ATP8A2: variants seen among roughly 807,000 people sequenced by gnomAD.
The protein encoded by ATP8A2 is ATPase phospholipid transporting 8A2.
A neutral mutation model predicts 165.6 loss-of-function variants in ATP8A2; 100 were observed. That is an observed-to-expected ratio of 0.60 (90% CI 0.51 to 0.71). The LOEUF is 0.71. ATP8A2 is among the 30% of genes least tolerant of loss of function. The probability of loss-of-function intolerance (pLI) is 0.00; values close to 1 mark genes in which losing one functional copy is unlikely to be tolerated. For synonymous variants in ATP8A2, 543 were observed against 548.8 expected (o/e 0.99, Z 0.15); for missense variants, 1,227 against 1,479.5 (o/e 0.83, Z 2.80).
At chr13:25,831,675 C>T (rs1390338604) in intron 28 of ATP8A2, among the ~76,000 whole-genome samples, 1 of 151,836 alleles carries the variant, frequency 6.6e-6, no homozygotes, top group African/African-American at 2.4e-5. Context: ...AAACCTCATC[C>T]CTACTAAAAG....
intron 27 of ATP8A2, among the ~76,000 whole-genome samples, chr13:25,788,529 C>G (rs1330660083): frequency 6.6e-6 from 1 of 152,176 alleles, no homozygotes; most frequent in Non-Finnish European, 1.5e-5. Flanking sequence ...GCCCTGTCTT[C>G]CAGGTGGCCT....
At chr13:25,700,637 A>T (rs540499957) in intron 25 of ATP8A2, among the ~76,000 whole-genome samples, 1 of 151,974 alleles carries the variant, frequency 6.6e-6, no homozygotes, top group South Asian at 2.1e-4. Flanking sequence ...ACCCTTTTTG[A>T]CTGTTACGTG....
chr13:25,907,282 C>G (rs1244356216), intron 33 of ATP8A2, among the ~76,000 whole-genome samples: 1 of 152,002 alleles, frequency 6.6e-6, no homozygotes, highest in East Asian at 1.9e-4. Flanking sequence ...GCTTGGGCAA[C>G]AAAGCAAGAC....
At chr13:25,619,265 G>C (rs1316872490) in intron 24 of ATP8A2, among the ~76,000 whole-genome samples, 1 of 152,138 alleles carries the variant, frequency 6.6e-6, no homozygotes, top group African/African-American at 2.4e-5. Context: ...AAGACAGCCA[G>C]GTTTCCTGAG....
intron 2 of ATP8A2, among the ~76,000 whole-genome samples, chr13:25,471,960 C>T (rs77574720): frequency 0.03 from 4,603 of 152,120 alleles, 257 homozygotes; most frequent in African/African-American, 0.11. Context: ...CGTAAGTTTC[C>T]GCATGCACTG....
At chr13:25,890,624 C>T (rs1953328624) in intron 33 of ATP8A2, among the ~76,000 whole-genome samples, 1 of 152,144 alleles carries the variant, frequency 6.6e-6, no homozygotes. Flanking sequence ...TGACATTTTA[C>T]ACAATAATTG....
intron 25 of ATP8A2, among the ~76,000 whole-genome samples, chr13:25,767,119 C>T (rs1402794154): frequency 6.6e-6 from 1 of 152,200 alleles, no homozygotes; most frequent in African/African-American, 2.4e-5. Context: ...AGTTTCAAAA[C>T]AAAATGGGAA....
At chr13:25,744,681 A>G (rs957976315) in intron 25 of ATP8A2, among the ~76,000 whole-genome samples, 4 of 152,196 alleles carry the variant, frequency 2.6e-5, no homozygotes, top group African/African-American at 9.7e-5. Flanking sequence ...AGAATTCTCA[A>G]TAGCCACTGG....
intron 16 of ATP8A2, chr13:25,567,186 G>A (rs950417256): frequency 5.4e-6 from 2 of 368,812 alleles, no homozygotes; most frequent in African/African-American, 4.3e-5. Flanking sequence ...AGCTGGCCCG[G>A]GACTGGTGTT....
intron 24 of ATP8A2, among the ~76,000 whole-genome samples, chr13:25,628,910 T>C (rs777208435): frequency 6.6e-6 from 1 of 152,140 alleles, no homozygotes; most frequent in Non-Finnish European, 1.5e-5. Flanking sequence ...ATTTAACCCA[T>C]AACATTGCCC....
intron 1 of ATP8A2, among the ~76,000 whole-genome samples, chr13:25,427,894 GA>G (rs1156995224): frequency 6.7e-6 from 1 of 150,104 alleles, no homozygotes; most frequent in South Asian, 2.1e-4. Flanking sequence ...CTCTGTCTCA[GA>G]AAAAAAAGAA....
chr13:25,680,352 G>A (rs1403786762), intron 24 of ATP8A2, among the ~76,000 whole-genome samples: 1 of 152,148 alleles, frequency 6.6e-6, no homozygotes, highest in Non-Finnish European at 1.5e-5. Context: ...TGTGTACTAA[G>A]GAATTGGCAG....
intron 28 of ATP8A2, among the ~76,000 whole-genome samples, chr13:25,832,083 G>A (rs1348111210): frequency 6.6e-6 from 1 of 151,792 alleles, no homozygotes; most frequent in East Asian, 2.0e-4. Flanking sequence ...AGGATTACAG[G>A]TGCGCACCAC....
chr13:25,696,775 A>G (rs1026810509), intron 24 of ATP8A2, among the ~76,000 whole-genome samples: 4 of 152,120 alleles, frequency 2.6e-5, no homozygotes, highest in African/African-American at 9.7e-5. Flanking sequence ...CTTTCTTATC[A>G]TTTGTGTGTT....
At chr13:25,465,668 T>TTTCC (rs2035617743) in intron 1 of ATP8A2, among the ~76,000 whole-genome samples, 1 of 4,242 alleles carries the variant, frequency 2.4e-4, no homozygotes, top group Non-Finnish European at 7.1e-4. Context: ...CAGAGTTTTC[T>TTTCC]TTCTTTCTTT....
At chr13:25,944,979 T>C (rs1231401702) in intron 33 of ATP8A2, among the ~76,000 whole-genome samples, 1 of 151,902 alleles carries the variant, frequency 6.6e-6, no homozygotes, top group Non-Finnish European at 1.5e-5. Flanking sequence ...ATAATGTATA[T>C]AGGCATACCC....
At chr13:25,608,751 GC>G (rs1450008471) in intron 24 of ATP8A2, among the ~76,000 whole-genome samples, 2 of 152,116 alleles carry the variant, frequency 1.3e-5, no homozygotes, top group Non-Finnish European at 2.9e-5. Flanking sequence ...ATCTGCATTT[GC>G]ATACTTCTCA....
intron 2 of ATP8A2, among the ~76,000 whole-genome samples, chr13:25,523,089 G>A (rs1209710596): frequency 6.7e-6 from 1 of 150,236 alleles, no homozygotes; most frequent in African/African-American, 2.5e-5. Context: ...CTGCCGTCCA[G>A]CCTGGGCAAC....
At chr13:25,435,922 T>TGTGAGTGAGTGA (rs1454203024) in intron 1 of ATP8A2, among the ~76,000 whole-genome samples, 6 of 53,584 alleles carry the variant, frequency 1.1e-4, no homozygotes, top group African/African-American at 3.0e-4. Context: ...CGTGTGTGTG[T>TGTGAGTGAGTGA]GTGTGTGTGA....
Sources: gnomAD v4.1 joint callset for allele counts (sites outside exome capture counted in the v4.1 genomes callset) on GRCh38, gnomAD v4.1.1 for gene constraint, MANE v1.5 for transcripts, NCBI Gene and HGNC (gene_info 2026-07-23, HGNC 2026-07-21) for gene names.